Variants in TASP1 observed in about 807,000 individuals in gnomAD.
TASP1 encodes threonine aspartase 1.
A neutral mutation model predicts 56.6 loss-of-function variants in TASP1; 16 were observed. The observed-to-expected ratio is 0.28, with a 90% CI of 0.19 to 0.43. The LOEUF (loss-of-function observed/expected upper bound fraction) is 0.43, where lower values mean the gene tolerates loss of function less well. TASP1 is among the 20% of genes least tolerant of loss of function. TASP1 has a pLI of 1.00. For missense variants in TASP1, 393 were observed against 511.6 expected (o/e 0.77, Z 2.24); for synonymous variants, 179 against 184.2 (o/e 0.97, Z 0.23).
chr20:13,229,136 TTCTC>T, the TASP1 span, among the ~76,000 whole-genome samples: 19 of 146,916 alleles, frequency 1.3e-4, no homozygotes, highest in African/African-American at 2.3e-4. Context: ...CTTTCTTCTC[TTCTC>T]TCTCTCTCTC....
chr20:13,390,149 C>G lies in TASP1; in HGVS notation c.*211G>C. On this transcript the variant is annotated 3_prime_UTR_variant, in exon 14 of 14. Coordinates refer to ENST00000337743, the MANE Select transcript of TASP1 (RefSeq NM_017714.3). The stretch of plus-strand genomic sequence containing the variant: ...ACACATACACATATGTGCGCACATA[C>G]GCGCACACACTCACACACAGTCCCG... 1 of 523,922 alleles carries G rather than the reference C, an allele frequency of 1.9e-6. No homozygotes were observed. Among genetic ancestry groups the G allele is most frequent in the Non-Finnish European group, 3.5e-6 (1 of 286,950 alleles). The allele number at this position is 523,922 out of a possible 1,614,324, so 32.5% of individuals were successfully genotyped here.
At chr20:13,556,918 T>A (rs1470176377) in intron 8 of TASP1, among the ~76,000 whole-genome samples, 1 of 152,252 alleles carries the variant, frequency 6.6e-6, no homozygotes, top group Non-Finnish European at 1.5e-5. Context: ...GTTACAAGAA[T>A]AACTATCTTA....
At chr20:13,215,383 C>G in the TASP1 span, among the ~76,000 whole-genome samples, 1 of 152,160 alleles carries the variant, frequency 6.6e-6, no homozygotes, top group Admixed American at 6.5e-5. Flanking sequence ...CTTTTCTCCC[C>G]CAGTTATAAC....
intron 10 of TASP1, among the ~76,000 whole-genome samples, chr20:13,522,023 G>T (rs1329983689): frequency 2.0e-5 from 3 of 152,234 alleles, no homozygotes; most frequent in African/African-American, 7.2e-5. Flanking sequence ...ACTGAGGGTG[G>T]AGGAGAAGCA....
chr20:13,181,374 C>T, the TASP1 span, among the ~76,000 whole-genome samples: 16 of 152,294 alleles, frequency 1.1e-4, no homozygotes, highest in South Asian at 3.3e-3. Context: ...CTTCTGGAAT[C>T]TCCTCCCACG....
At chr20:13,589,659 A>AG (rs963442254) in intron 4 of TASP1, among the ~76,000 whole-genome samples, 9 of 152,290 alleles carry the variant, frequency 5.9e-5, no homozygotes, top group Middle Eastern at 3.4e-3. Context: ...TAAAGAAAAT[A>AG]GGGGGAAAAA....
At chr20:13,151,471 T>A in the TASP1 span, among the ~76,000 whole-genome samples, 1 of 152,196 alleles carries the variant, frequency 6.6e-6, no homozygotes, top group Non-Finnish European at 1.5e-5. Context: ...ATAAGCCGGA[T>A]GCTCTCTCCA....
intron 10 of TASP1, among the ~76,000 whole-genome samples, chr20:13,489,764 TA>T (rs1010132068): frequency 6.6e-5 from 10 of 152,196 alleles, no homozygotes; most frequent in African/African-American, 2.4e-4. Context: ...ATAAATAATA[TA>T]AAATTACCAT....
At chr20:13,273,695 T>C in the TASP1 span, among the ~76,000 whole-genome samples, 2 of 152,190 alleles carry the variant, frequency 1.3e-5, no homozygotes, top group Non-Finnish European at 2.9e-5. Context: ...CAGATGTGAA[T>C]GTTATTGGCC....
chr20:13,628,525 G>GT (rs2048977830), intron 2 of TASP1, among the ~76,000 whole-genome samples: 1 of 152,078 alleles, frequency 6.6e-6, no homozygotes, highest in South Asian at 2.1e-4. Flanking sequence ...CTGGTTTCTG[G>GT]TTTTTTGGAT....
intron 10 of TASP1, among the ~76,000 whole-genome samples, chr20:13,515,103 T>C (rs1272026539): frequency 6.6e-6 from 1 of 152,138 alleles, no homozygotes; most frequent in Non-Finnish European, 1.5e-5. Flanking sequence ...GTTTGTTGTA[T>C]TCACTTCTGT....
chr20:13,321,704 A>C, the TASP1 span, among the ~76,000 whole-genome samples: 1 of 151,968 alleles, frequency 6.6e-6, no homozygotes, highest in East Asian at 1.9e-4. Flanking sequence ...GCTACATTCA[A>C]CTCCCTCCCA....
At chr20:13,385,633 T>C (rs989311324), downstream of TASP1, among the ~76,000 whole-genome samples, 8 of 151,318 alleles carry the variant, frequency 5.3e-5, no homozygotes, top group Non-Finnish European at 7.4e-5. Context: ...AGATAAGGAG[T>C]TGACTCCAAG....
intron 2 of TASP1, among the ~76,000 whole-genome samples, chr20:13,628,722 C>T (rs1241653990): frequency 3.3e-5 from 5 of 152,042 alleles, no homozygotes; most frequent in Non-Finnish European, 7.4e-5. Context: ...AAAAGGAAAC[C>T]CAGACATTCT....
chr20:13,163,373 A>T, the TASP1 span, among the ~76,000 whole-genome samples: 1 of 150,366 alleles, frequency 6.7e-6, no homozygotes, highest in Admixed American at 6.6e-5. Context: ...GTCTCAAAAA[A>T]AAAAAAAAAA....
At chr20:13,361,831 A>G in the TASP1 span, among the ~76,000 whole-genome samples, 1 of 152,188 alleles carries the variant, frequency 6.6e-6, no homozygotes, top group South Asian at 2.1e-4. Flanking sequence ...TTAACTCTTG[A>G]AGTAAATAAA....
the TASP1 span, among the ~76,000 whole-genome samples, chr20:13,217,145 C>A: frequency 6.6e-6 from 1 of 152,058 alleles, no homozygotes; most frequent in African/African-American, 2.4e-5. Context: ...TTAATTGAGC[C>A]CTTACCTTTT....
chr20:13,507,667 C>A (rs2044180971), intron 10 of TASP1, among the ~76,000 whole-genome samples: 1 of 152,300 alleles, frequency 6.6e-6, no homozygotes, highest in South Asian at 2.1e-4. Context: ...AAGTGATCCA[C>A]AGATTGAATG....
At chr20:13,505,954 A>G (rs758137019) in intron 10 of TASP1, among the ~76,000 whole-genome samples, 4 of 152,090 alleles carry the variant, frequency 2.6e-5, no homozygotes, top group Non-Finnish European at 5.9e-5. Context: ...AATAGAAAAG[A>G]TCAACAAAAC....
Sources: allele counts gnomAD v4.1 joint callset (sites outside exome capture counted in the v4.1 genomes callset), GRCh38; gene constraint gnomAD v4.1.1; transcripts MANE v1.5; gene names NCBI Gene and HGNC (gene_info 2026-07-23, HGNC 2026-07-21).